HDGFL3: variants seen among roughly 807,000 people sequenced by gnomAD.
The protein encoded by HDGFL3 is hepatoma-derived growth factor-related protein 3.
In HDGFL3, 6 loss-of-function variants were observed where a neutral mutation model predicts 27.6. That is an observed-to-expected ratio of 0.22 (90% CI 0.12 to 0.43). The LOEUF (loss-of-function observed/expected upper bound fraction) is 0.43. Among genes scored for constraint, HDGFL3 ranks in the 20% least tolerant of loss-of-function variants. The pLI, the probability that HDGFL3 is intolerant of heterozygous loss-of-function variation, is 1.00. For synonymous variants in HDGFL3, 88 were observed against 88.9 expected (o/e 0.99, Z 0.05); for missense variants, 207 against 250.1 (o/e 0.83, Z 1.16).
In HDGFL3 at chr15:83,137,081, A is replaced by G. The variant is rs1188229098; in HGVS notation, c.*2189T>C. ...CAGACTGGAGGAGTAACTTTTGCAAATAAGATGAATATGCTTCATTATTAA... is the reference window on the plus strand; with the variant it reads ...CAGACTGGAGGAGTAACTTTTGCAAGTAAGATGAATATGCTTCATTATTAA... On this transcript the variant is annotated 3_prime_UTR_variant, in exon 6 of 6. Transcript: ENST00000299633. 1.3e-5 allele frequency: 2 copies of G among 152,990 alleles called. No homozygotes were observed. The highest frequency in any genetic ancestry group is 2.9e-5 in the Non-Finnish European group (2 of 68,596). The allele number at this position is 152,990 out of a possible 1,614,324, so 9.5% of individuals were successfully genotyped here.
intron 5 of HDGFL3, among the ~76,000 whole-genome samples, chr15:83,143,044 C>T (rs977018101): frequency 3.3e-5 from 5 of 151,972 alleles, no homozygotes; most frequent in African/African-American, 1.2e-4. Flanking sequence ...GAGACGGAGT[C>T]TTGCTCTGTC....
chr15:83,155,918 C>T (rs1405183474), intron 4 of HDGFL3, among the ~76,000 whole-genome samples: 1 of 152,172 alleles, frequency 6.6e-6, no homozygotes, highest in African/African-American at 2.4e-5. Context: ...ATAATTTTCA[C>T]AATCTCAGAG....
intron 1 of HDGFL3, among the ~76,000 whole-genome samples, chr15:83,187,560 C>T (rs529202579): frequency 1.3e-5 from 2 of 152,268 alleles, no homozygotes; most frequent in Admixed American, 1.3e-4. Context: ...CAGGGATGGG[C>T]ATTTACCTTG....
At position 83,176,803 on chromosome 15, in the gene HDGFL3, T is replaced by C. The variant is rs1307224382; in HGVS notation, c.85-12728A>G. 3.4e-4 allele frequency among the ~76,000 whole-genome samples: 52 copies of C among 152,120 alleles called. 1 individual carries two copies. The highest frequency in any genetic ancestry group is 3.4e-3 in the Admixed American group (52 of 15,274). ...CATCTCCTCAAACTCGGCAGGATTT[T>C]TGCACTGAGATTGCAAAAATGCATT... On this transcript the variant is annotated intron_variant, in intron 1 of 5. Transcript: ENST00000299633.
At chr15:83,168,123 G>A (rs1050474192) in intron 1 of HDGFL3, among the ~76,000 whole-genome samples, 10 of 152,278 alleles carry the variant, frequency 6.6e-5, no homozygotes, top group Admixed American at 5.9e-4. Context: ...AAACAGAGAT[G>A]TAACATACCA....
chr15:83,160,645 A>G (rs2037089999), intron 2 of HDGFL3, among the ~76,000 whole-genome samples: 1 of 152,192 alleles, frequency 6.6e-6, no homozygotes, highest in South Asian at 2.1e-4. Flanking sequence ...GTAGCTGGAG[A>G]GAGGACTCTG....
chr15:83,148,941 G>C (rs777803232), intron 5 of HDGFL3, among the ~76,000 whole-genome samples: 1 of 152,160 alleles, frequency 6.6e-6, no homozygotes, highest in Non-Finnish European at 1.5e-5. Context: ...TGGGTAGGAA[G>C]AGGGACTGGA....
chr15:83,190,207 C>CAAAA (rs57723810), intron 1 of HDGFL3, among the ~76,000 whole-genome samples: 1 of 116,564 alleles, frequency 8.6e-6, no homozygotes, highest in Non-Finnish European at 1.8e-5. Flanking sequence ...AACTCTGTCT[C>CAAAA]AAAAAAAAAA....
At chr15:83,127,062 C>T (rs1295734107), downstream of HDGFL3, among the ~76,000 whole-genome samples, 1 of 151,916 alleles carries the variant, frequency 6.6e-6, no homozygotes, top group Non-Finnish European at 1.5e-5. Flanking sequence ...GGCATGGTGG[C>T]ACATGCCTGT....
exon 4 of HDGFL3, chr15:83,115,723 T>C: frequency 1.3e-6 from 1 of 759,576 alleles, no homozygotes; most frequent in East Asian, 2.7e-5. Context: ...TCTATCTCGA[T>C]AATTGTCCAC....
chr15:83,186,922 TTATTC>T (rs2037450278), intron 1 of HDGFL3, among the ~76,000 whole-genome samples: 1 of 152,218 alleles, frequency 6.6e-6, no homozygotes, highest in Admixed American at 6.5e-5. Context: ...AAAATTATCT[TTATTC>T]TATCTGTAAA....
intron 5 of HDGFL3, among the ~76,000 whole-genome samples, chr15:83,149,840 G>T (rs2036942430): frequency 6.6e-6 from 1 of 152,136 alleles, no homozygotes; most frequent in African/African-American, 2.4e-5. Context: ...ATAGGCAGAG[G>T]GGAAGGAGCC....
At chr15:83,113,779 C>A (rs2034408290) in exon 4 of HDGFL3, 2 of 152,420 alleles carry the variant, frequency 1.3e-5, no homozygotes, top group Non-Finnish European at 2.9e-5. Context: ...CACAGTGGGG[C>A]TAGAAGGAAG....
intron 5 of HDGFL3, among the ~76,000 whole-genome samples, chr15:83,139,795 T>TA (rs1415469997): frequency 1.3e-5 from 2 of 152,160 alleles, no homozygotes; most frequent in East Asian, 1.9e-4. Flanking sequence ...TTCTTGCTTT[T>TA]AAAAAAAACA....
intron 1 of HDGFL3, among the ~76,000 whole-genome samples, chr15:83,195,310 A>G (rs1340398499): frequency 6.6e-6 from 1 of 152,174 alleles, no homozygotes; most frequent in Non-Finnish European, 1.5e-5. Context: ...TGTTATGTGG[A>G]AAGTGTAAAA....
intron 1 of HDGFL3, among the ~76,000 whole-genome samples, chr15:83,195,615 T>G (rs975879105): frequency 3.9e-5 from 6 of 152,062 alleles, no homozygotes; most frequent in Non-Finnish European, 7.4e-5. Flanking sequence ...CTAATGAGAT[T>G]ATAATGGTAG....
chr15:83,190,748 T>C (rs2037502050), intron 1 of HDGFL3, among the ~76,000 whole-genome samples: 1 of 152,188 alleles, frequency 6.6e-6, no homozygotes, highest in South Asian at 2.1e-4. Context: ...AGTTTTTCAG[T>C]GAACAAAAGC....
At chr15:83,203,454 T>C (rs566081177) in intron 1 of HDGFL3, among the ~76,000 whole-genome samples, 1 of 152,024 alleles carries the variant, frequency 6.6e-6, no homozygotes, top group Non-Finnish European at 1.5e-5. Flanking sequence ...TTATGGAATA[T>C]CTACTTCTAA....
At chr15:83,195,650 T>C (rs2037560986) in intron 1 of HDGFL3, among the ~76,000 whole-genome samples, 2 of 152,106 alleles carry the variant, frequency 1.3e-5, no homozygotes, top group South Asian at 4.1e-4. Flanking sequence ...CCAATTCACG[T>C]AGTTCTACCT....
Sources: allele counts gnomAD v4.1 joint callset (sites outside exome capture counted in the v4.1 genomes callset), GRCh38; gene constraint gnomAD v4.1.1; transcripts MANE v1.5; gene names NCBI Gene and HGNC (gene_info 2026-07-23, HGNC 2026-07-21).